The following CTSF variants were observed in gnomAD, a reference collection of about 807,000 sequenced individuals.
CTSF encodes cathepsin F.
In CTSF, 65 loss-of-function variants were observed where a neutral mutation model predicts 63.5. The ratio of observed to expected loss-of-function variants is 1.02; its 90% CI spans 0.84 to 1.26. The LOEUF (loss-of-function observed/expected upper bound fraction) is 1.26, where lower values mean the gene tolerates loss of function less well. Ranked by LOEUF, CTSF falls within the 50% of genes most tolerant of loss-of-function variation. The pLI is 0.00. For missense variants in CTSF, 641 were observed against 631.0 expected, an observed-to-expected ratio of 1.02 and a Z score of -0.17; for synonymous variants, 256 against 258.1, an observed-to-expected ratio of 0.99 and a Z score of 0.08.
rs142805637 is a variant in CTSF, at chr11:66,566,022, C to A, written c.867G>T (p.Gln289His). Residue 289 changes from glutamine to histidine, a missense_variant and splice_region_variant, in exon 6 of 13, where the codon CAG becomes CAT. Transcript: ENST00000310325. ...SKGAVTKVKDQGMCGSCWAFS... is the reference protein window; with the variant it reads ...SKGAVTKVKDHGMCGSCWAFS... Reference sequence around the variant, plus strand: ...CCACCCTCACTTCCAGGGGTCCAACCTGGTCTTTGACTTTTGTGACAGCCC... The same window carrying A: ...CCACCCTCACTTCCAGGGGTCCAACATGGTCTTTGACTTTTGTGACAGCCC... The A allele has an allele frequency of 6.2e-7, 1 of 1,614,176 alleles. No homozygotes were observed. Among genetic ancestry groups the A allele is most frequent in the Non-Finnish European group, 8.5e-7 (1 of 1,180,026 alleles).
chr11:66,567,645 G>T lies in CTSF; in HGVS notation c.330C>A (p.Val110=). The T allele has an allele frequency of 6.2e-7, 1 of 1,614,038 alleles. No homozygotes were observed. The highest frequency in any genetic ancestry group is 8.5e-7 in the Non-Finnish European group (1 of 1,180,008). Reference sequence around the variant, plus strand: ...GCACGTGTCTTCCGAGCTCATCCAGGACTTGGAAGCTGCAGAGCTGGAGGG... The same window carrying T: ...GCACGTGTCTTCCGAGCTCATCCAGTACTTGGAAGCTGCAGAGCTGGAGGG... The part of the protein sequence containing the change: ...SKKTLLCSFQ[V]LDELGRHVLL... Residue 110 remains valine, a synonymous_variant, in exon 3 of 13, where the codon GTC becomes GTA. Transcript: ENST00000310325.
Position 66,565,755 on chromosome 11 carries a change from G to A in CTSF, c.965-4C>T, listed in dbSNP as rs941706968. 8.7e-6 allele frequency: 14 copies of A among 1,613,830 alleles called. No individual in the cohort carries two copies. Among genetic ancestry groups the A allele is most frequent in the Non-Finnish European group, 1.2e-5 (14 of 1,180,056 alleles). On this transcript the variant is annotated splice_region_variant and splice_polypyrimidine_tract_variant and intron_variant, in intron 7 of 12. Coordinates refer to ENST00000310325, the MANE Select transcript of CTSF (RefSeq NM_003793.4). The stretch of plus-strand genomic sequence containing the variant: ...ATCTTGTCACAGTCCAAGAGCTCTA[G>A]GAGACAGAAGGCTGGTCCCAAGAAG...
chr11:66,564,819 G>GGGGT lies in CTSF; in HGVS notation c.1166-17_1166-14dup, dbSNP rs1857892453. 1 of 1,613,978 alleles carries GGGGT rather than the reference G, an allele frequency of 6.2e-7. No individual in the cohort carries two copies. Among genetic ancestry groups the GGGGT allele is most frequent in the Non-Finnish European group, 8.5e-7 (1 of 1,180,018 alleles). ...CAGGCTGCCAGCTCTGAGATGGGAA[G>GGGGT]GGGTGGCATCAGTAGGCACCCAGGC... is the stretch of plus-strand genomic sequence containing the variant. On this transcript the variant is annotated splice_polypyrimidine_tract_variant and intron_variant, in intron 9 of 12. Transcript: ENST00000310325.
At position 66,565,850 on chromosome 11, in the gene CTSF, C is replaced by T; in HGVS notation, c.945G>A (p.Leu315=). ...GCTCACCCTGTTCAGAGAGGGAGAG[C>T]AGGGTCCCCTGGTTGAGAAACCACT... ...EGQWFLNQGT[L]LSLSEQELLD... Residue 315 remains leucine (L), a synonymous_variant, in exon 7 of 13, where the codon CTG becomes CTA. Coordinates refer to ENST00000310325, the MANE Select transcript of CTSF (RefSeq NM_003793.4). 1.2e-6 allele frequency: 2 copies of T among 1,613,980 alleles called. No homozygotes were observed. The highest frequency in any genetic ancestry group is 2.2e-5 in the East Asian group (1 of 44,880).
rs997366532 is a variant in CTSF at position 66,565,020 on chromosome 11, G to T, written c.1046-14C>A. On this transcript the variant is annotated splice_polypyrimidine_tract_variant and intron_variant, in intron 8 of 12. Coordinates refer to ENST00000310325, the MANE Select transcript of CTSF (RefSeq NM_003793.4). ...TCTCCAGCCCTCCTGGGGAACGGTG[G>T]GGGTGAGTAGAGAAGGGCAGGCTCC... The T allele has an allele frequency of 1.3e-6, 2 of 1,541,118 alleles. No homozygotes were observed. Among genetic ancestry groups the T allele is most frequent in the East Asian group, 2.3e-5 (1 of 44,130 alleles).
At position 66,565,944 on chromosome 11, in the gene CTSF, G is replaced by C. The variant is rs554536950; in HGVS notation, c.868-17C>G. On this transcript the variant is annotated splice_polypyrimidine_tract_variant and intron_variant, in intron 6 of 12. Coordinates refer to ENST00000310325, the MANE Select transcript of CTSF (RefSeq NM_003793.4). ...ACACATGCCCTACAAGAGATGGGTG[G>C]AGTTGGAGTCAGAGCCGGGCCCCTT... is the stretch of plus-strand genomic sequence containing the variant. 60 of 1,614,156 alleles carry C rather than the reference G, an allele frequency of 3.7e-5. 2 individuals are homozygous for C. The Admixed American group carries it at 9.3e-4, about 25-fold the overall frequency.
chr11:66,563,469 AC>A lies in CTSF; in HGVS notation c.*463del, dbSNP rs1857851325. On this transcript the variant is annotated 3_prime_UTR_variant, in exon 13 of 13. Coordinates refer to ENST00000310325, the MANE Select transcript of CTSF (RefSeq NM_003793.4). ...ACTGAGCATTTATACCACACTCGGG[AC>A]AAGGACACCTCTTTATTGCTGTTAG... is the stretch of plus-strand genomic sequence containing the variant. 1 of 475,914 alleles carries A rather than the reference AC, an allele frequency of 2.1e-6. No individual in the cohort carries two copies. The highest frequency in any genetic ancestry group is 3.7e-6 in the Non-Finnish European group (1 of 269,498). The allele number at this position is 475,914 out of a possible 1,614,324, so 29.5% of individuals were successfully genotyped here.
At chr11:66,565,600 CCATTATGAAGTAACTT>C (rs1346327947) in intron 8 of CTSF, 55 bp downstream of exon 8, 1 of 1,590,484 alleles carries the variant, frequency 6.3e-7, no homozygotes, top group East Asian at 2.2e-5. Flanking sequence ...TGTCTCCCCC[CCATTATGAAGTAACTT>C]CTTGTACAGG....
intron 3 of CTSF, 52 bp from the exon 4 acceptor site, chr11:66,567,373 G>A: frequency 1.2e-6 from 2 of 1,613,070 alleles, no homozygotes; most frequent in South Asian, 1.1e-5. Context: ...ACTCCAGAGG[G>A]AAGGGAGAAG....
chr11:66,567,400 CTGGCTCCTCAAGCTGA>C, intron 3 of CTSF, 28 bp downstream of exon 3: 1 of 1,612,244 alleles, frequency 6.2e-7, no homozygotes, highest in Non-Finnish European at 8.5e-7. Context: ...GAGGCAGCGG[CTGGCTCCTCAAGCTGA>C]GGGCTCCTCA....
rs899308971 is a variant in CTSF, at chr11:66,566,463, A to G, written c.608-59T>C. 12 of 1,520,504 alleles carry G rather than the reference A, an allele frequency of 7.9e-6. No individual in the cohort carries two copies. The Admixed American group carries it at 1.8e-4, about 23-fold the overall frequency. The allele number at this position is 1,520,504 out of a possible 1,614,324, so 94.2% of individuals were successfully genotyped here. A position where few individuals can be genotyped will look rare whatever the true frequency, so the allele number is the denominator to read the frequency against. ...ACCCCAGGCAGATAAAAGGAAGGGCAATTGGGGCTAGCAGGCAGGGGTTTC... is the reference window on the plus strand; with the variant it reads ...ACCCCAGGCAGATAAAAGGAAGGGCGATTGGGGCTAGCAGGCAGGGGTTTC... On this transcript the variant is annotated intron_variant, in intron 4 of 12. Transcript: ENST00000310325.
chr11:66,567,884 C>G (rs1270343919), intron 2 of CTSF, 100 bp downstream of exon 2: 2 of 1,458,058 alleles, frequency 1.4e-6, no homozygotes, highest in Non-Finnish European at 1.8e-6. Context: ...GGTGGGGCAG[C>G]AGCTACCTCA....
chr11:66,566,010 C>A lies in CTSF; in HGVS notation c.867+12G>T. 1 of 1,614,136 alleles carries A rather than the reference C, an allele frequency of 6.2e-7. No homozygotes were observed. Among genetic ancestry groups the A allele is most frequent in the Non-Finnish European group, 8.5e-7 (1 of 1,179,996 alleles). On this transcript the variant is annotated intron_variant, in intron 6 of 12. Transcript: ENST00000310325. ...AGTGCCCATGTCCCACCCTCACTTC[C>A]AGGGGTCCAACCTGGTCTTTGACTT... is the stretch of plus-strand genomic sequence containing the variant.
Position 66,565,685 on chromosome 11 carries a change from G to A in CTSF, c.1031C>T (p.Ala344Val). The A allele has an allele frequency of 6.2e-7, 1 of 1,613,518 alleles. No homozygotes were observed. The highest frequency in any genetic ancestry group is 8.5e-7 in the Non-Finnish European group (1 of 1,180,036). Residue 344 changes from alanine to valine, a missense_variant, in exon 8 of 13, where the codon GCC becomes GTC. Coordinates refer to ENST00000310325, the MANE Select transcript of CTSF (RefSeq NM_003793.4). ...MGGLPSNAYS[A>V]IKNLGGLETE... ...TTAATGCATACCCAAATTCTTTATG[G>A]CCGAGTAGGCATTGGAGGGCAAGCC... is the stretch of plus-strand genomic sequence containing the variant.
chr11:66,568,344 T>C lies in CTSF; in HGVS notation c.143A>G (p.Glu48Gly). Residue 48 changes from glutamate to glycine, a missense_variant, in exon 1 of 13, where the codon GAG becomes GGG. Transcript: ENST00000310325. ...ELLAPTRFAL[E>G]MFNRGRAAGT... ...CGCAGCCCGGCCGCGGTTGAACATC[T>C]CCAGCGCGAAGCGGGTGGGCGCCAG... The C allele has an allele frequency of 7.6e-7, 1 of 1,308,222 alleles. No individual in the cohort carries two copies. Among genetic ancestry groups the C allele is most frequent in the Non-Finnish European group, 9.6e-7 (1 of 1,037,716 alleles). The allele number at this position is 1,308,222 out of a possible 1,614,324, so 81.0% of individuals were successfully genotyped here. A position where few individuals can be genotyped will look rare whatever the true frequency, so the allele number is the denominator to read the frequency against.
At chr11:66,564,495 A>G in intron 11 of CTSF, 63 bp downstream of exon 11, 1 of 1,389,352 alleles carries the variant, frequency 7.2e-7, no homozygotes, top group Non-Finnish European at 9.8e-7. Flanking sequence ...AGAGGACCTG[A>G]GATGCTGTGA....
rs1184987954 is a variant in CTSF, at chr11:66,564,692, CG to C, written c.1231-45del. ...TAGGGGATCGACTCCAAGAAGAGGTCGGGGAGGTCAACAAGAGATGGGGCAG... is the reference window on the plus strand; with the variant it reads ...TAGGGGATCGACTCCAAGAAGAGGTCGGGAGGTCAACAAGAGATGGGGCAG... On this transcript the variant is annotated intron_variant, in intron 10 of 12. Coordinates refer to ENST00000310325, the MANE Select transcript of CTSF (RefSeq NM_003793.4). 4 of 1,612,868 alleles carry C rather than the reference CG, an allele frequency of 2.5e-6. No individual in the cohort carries two copies. In the African/African-American group the frequency reaches 5.3e-5, roughly 22 times the overall value.
intron 8 of CTSF, 145 bp from the exon 9 acceptor site, chr11:66,565,151 C>T: frequency 7.3e-7 from 1 of 1,362,210 alleles, no homozygotes; most frequent in Non-Finnish European, 9.8e-7. Flanking sequence ...TGTCTTCATT[C>T]TAGAAATGAC....
Position 66,568,257 on chromosome 11 carries a change from C to G in CTSF, c.213+17G>C, listed in dbSNP as rs1857980917. The G allele has an allele frequency of 6.6e-7, 1 of 1,513,636 alleles. No homozygotes were observed. Among genetic ancestry groups the G allele is most frequent in the Non-Finnish European group, 8.8e-7 (1 of 1,137,374 alleles). The allele number at this position is 1,513,636 out of a possible 1,614,324, so 93.8% of individuals were successfully genotyped here. On this transcript the variant is annotated intron_variant, in intron 1 of 12. Coordinates refer to ENST00000310325, the MANE Select transcript of CTSF (RefSeq NM_003793.4). ...TTGGACCCGGGCCTGGCGCCCCCGC[C>G]CCCGGCGCGTCCTCACCCGGCGGAC...
Sources: gnomAD v4.1 joint callset for allele counts on GRCh38, gnomAD v4.1.1 for gene constraint, MANE v1.5 for transcripts, NCBI Gene and HGNC (gene_info 2026-07-23, HGNC 2026-07-21) for gene names.